The following SLC16A4 variants were observed in gnomAD, a reference collection of about 807,000 sequenced individuals.
The protein encoded by SLC16A4 is probable monocarboxylate transporter 5.
In SLC16A4, 39 loss-of-function variants were observed where a neutral mutation model predicts 47.9. That is an observed-to-expected ratio of 0.81 (90% CI 0.63 to 1.06). The LOEUF (loss-of-function observed/expected upper bound fraction) is 1.06, where lower values mean the gene tolerates loss of function less well. Among genes scored for constraint, SLC16A4 ranks in the 50% least tolerant of loss-of-function variants. SLC16A4 has a pLI of 0.00. For missense variants in SLC16A4, 524 were observed against 573.8 expected, an observed-to-expected ratio of 0.91 and a Z score of 0.89; for synonymous variants, 189 against 199.9, an observed-to-expected ratio of 0.95 and a Z score of 0.46.
At chr1:110,384,143 C>T (rs1448532249) in intron 2 of SLC16A4, among the ~76,000 whole-genome samples, 3 of 152,168 alleles carry the variant, frequency 2.0e-5, no homozygotes, top group South Asian at 2.1e-4. Context: ...TCAGTAGCAT[C>T]TGTTAAAGAC....
Position 110,381,079 on chromosome 1 carries a change from T to A in SLC16A4, c.429A>T (p.Arg143=), listed in dbSNP as rs1270705825. ...AVVTTKYFKK[R]LALSTAIARS... is the part of the protein sequence containing the mutation. ...GGGCAATAGCTGTAGAAAGAGCCAA[T>A]CGTTTTTTGAAGTATTTGGTAGTTA... The change falls in exon 5 of 9, where the codon CGA becomes CGT. Residue 143 remains arginine, a synonymous_variant. Transcript: ENST00000369779. The A allele has an allele frequency of 6.2e-7, 1 of 1,613,926 alleles. No homozygotes were observed. Among genetic ancestry groups the A allele is most frequent in the Non-Finnish European group, 8.5e-7 (1 of 1,179,968 alleles).
intron 8 of SLC16A4, among the ~76,000 whole-genome samples, chr1:110,374,773 A>G (rs1350890236): frequency 1.3e-5 from 2 of 152,220 alleles, no homozygotes; most frequent in Non-Finnish European, 1.5e-5. Context: ...TATCCTCTCC[A>G]TAGAGATGGG....
intron 8 of SLC16A4, chr1:110,370,139 G>T (rs569662457): frequency 1.9e-4 from 29 of 152,190 alleles, no homozygotes; most frequent in African/African-American, 6.7e-4. Context: ...TGCTTTGTAG[G>T]TATTCATCAA....
At chr1:110,380,024 TC>T (rs1226565885) in intron 5 of SLC16A4, 1 of 125,828 alleles carries the variant, frequency 7.9e-6, no homozygotes, top group African/African-American at 3.2e-5. Context: ...GCCACAGCAC[TC>T]CAGCCTGAAT....
chr1:110,378,706 C>T lies in SLC16A4; in HGVS notation c.1030+147G>A, dbSNP rs549457280. 384 of 847,068 alleles carry T rather than the reference C, an allele frequency of 4.5e-4. 6 individuals carry two copies. The South Asian group carries it at 6.8e-3, about 15-fold the overall frequency. 52.5% of individuals were successfully genotyped at this position (847,068 alleles called of 1,614,324 possible). On this transcript the variant is annotated intron_variant, in intron 6 of 8. Transcript: ENST00000369779. Reference sequence around the variant, plus strand: ...TCTCTTCCTGGGAAATGCCCAGGTGCTCCATCTAGCCTCAAAAATTTTACT... The same window carrying T: ...TCTCTTCCTGGGAAATGCCCAGGTGTTCCATCTAGCCTCAAAAATTTTACT...
chr1:110,369,557 C>T (rs1409701568), intron 8 of SLC16A4, among the ~76,000 whole-genome samples: 3 of 152,070 alleles, frequency 2.0e-5, no homozygotes, highest in African/African-American at 7.2e-5. Context: ...CCACTGCACT[C>T]CAGCCTGGGT....
chr1:110,379,300 A>AG lies in SLC16A4; in HGVS notation c.582dup (p.Arg196LysfsTer8). 1 of 1,612,958 alleles carries AG rather than the reference A, an allele frequency of 6.2e-7. No individual in the cohort carries two copies. The highest frequency in any genetic ancestry group is 8.5e-7 in the Non-Finnish European group (1 of 1,178,974). On this transcript the variant is annotated frameshift_variant, in exon 6 of 9. Coordinates refer to ENST00000369779, the MANE Select transcript of SLC16A4 (RefSeq NM_004696.3). LOFTEE classifies it high-confidence loss of function. ...TCACTTTTGATATGGATGGGTCTTA[A>AG]GAGCATACTAGAAGGCACCAAATTC...
chr1:110,383,057 T>C, intron 2 of SLC16A4, 91 bp from the exon 3 acceptor site: 1 of 1,167,872 alleles, frequency 8.6e-7, no homozygotes, highest in South Asian at 1.8e-5. Flanking sequence ...TTCCCTCAGC[T>C]TACTACTATT....
At chr1:110,363,944 A>G (rs371460961) in intron 8 of SLC16A4, 51 bp from the exon 9 acceptor site, 14 of 1,576,614 alleles carry the variant, frequency 8.9e-6, no homozygotes, top group Non-Finnish European at 1.2e-5. Flanking sequence ...GCCATTAGTA[A>G]CTCTCAGCCA....
At chr1:110,365,101 T>C (rs1661308507) in intron 8 of SLC16A4, among the ~76,000 whole-genome samples, 2 of 152,054 alleles carry the variant, frequency 1.3e-5, no homozygotes, top group Non-Finnish European at 2.9e-5. Flanking sequence ...TTCCAAAGTA[T>C]AGTATGTATA....
At chr1:110,373,088 C>T (rs1248414310) in intron 8 of SLC16A4, 2 of 151,984 alleles carry the variant, frequency 1.3e-5, no homozygotes, top group African/African-American at 4.8e-5. Context: ...CACATATATA[C>T]CTGTAGCTTT....
In SLC16A4 at chr1:110,381,671, C is replaced by T; in HGVS notation, c.345G>A (p.Val115=). The change falls in exon 4 of 9, where the codon GTG becomes GTA. Residue 115 remains valine (V), a synonymous_variant. Coordinates refer to ENST00000369779, the MANE Select transcript of SLC16A4 (RefSeq NM_004696.3). Reference sequence around the variant, plus strand: ...ACTCACCGGGTAGAAGTCCCATAGTCACACAAAGAAAAGGAATACTTGTGG... The same window carrying T: ...ACTCACCGGGTAGAAGTCCCATAGTTACACAAAGAAAAGGAATACTTGTGG... ...SWATSIPFLC[V]TMGLLPGLGS... 6.2e-7 allele frequency: 1 copy of T among 1,612,588 alleles called. No individual in the cohort carries two copies. The highest frequency in any genetic ancestry group is 8.5e-7 in the Non-Finnish European group (1 of 1,179,700).
At chr1:110,368,004 AT>A (rs1364965561) in intron 8 of SLC16A4, among the ~76,000 whole-genome samples, 1 of 151,950 alleles carries the variant, frequency 6.6e-6, no homozygotes, top group Non-Finnish European at 1.5e-5. Context: ...AATTTTTTGT[AT>A]TTTTAGTAGA....
At chr1:110,366,132 A>ACT (rs1406537094) in intron 8 of SLC16A4, among the ~76,000 whole-genome samples, 1 of 128,266 alleles carries the variant, frequency 7.8e-6, no homozygotes, top group Admixed American at 7.8e-5. Context: ...ACACACACAC[A>ACT]CTCTTTCTCT....
chr1:110,373,359 G>A (rs1200450975), intron 8 of SLC16A4, among the ~76,000 whole-genome samples: 1 of 152,102 alleles, frequency 6.6e-6, no homozygotes, highest in Non-Finnish European at 1.5e-5. Flanking sequence ...TGAAAAAAAT[G>A]CATCAGCAAA....
In SLC16A4 at chr1:110,381,103, T is replaced by TA. The variant is rs1421112902; in HGVS notation, c.404dup (p.Thr136AsnfsTer38). 3.1e-6 allele frequency: 5 copies of TA among 1,614,150 alleles called. No individual in the cohort carries two copies. In the Admixed American group the frequency reaches 6.7e-5, roughly 22 times the overall value. ...ATCGTTTTTTGAAGTATTTGGTAGT[T>TA]ACCACAGCAGCCACTTGGTATAAGA... On this transcript the variant is annotated frameshift_variant, in exon 5 of 9. Coordinates refer to ENST00000369779, the MANE Select transcript of SLC16A4 (RefSeq NM_004696.3). LOFTEE classifies it high-confidence loss of function.
At chr1:110,369,498 G>A (rs1013469530) in intron 8 of SLC16A4, among the ~76,000 whole-genome samples, 1 of 152,110 alleles carries the variant, frequency 6.6e-6, no homozygotes, top group Non-Finnish European at 1.5e-5. Flanking sequence ...TACTCAGGAG[G>A]CTGAGGTGGG....
chr1:110,385,707 G>A (rs553696606), intron 2 of SLC16A4, among the ~76,000 whole-genome samples: 2 of 152,200 alleles, frequency 1.3e-5, no homozygotes, highest in Non-Finnish European at 2.9e-5. Flanking sequence ...TGGTAGTGGT[G>A]AGGAAGAAGT....
At chr1:110,377,990 T>C (rs1208404503) in intron 6 of SLC16A4, among the ~76,000 whole-genome samples, 1 of 151,944 alleles carries the variant, frequency 6.6e-6, no homozygotes, top group African/African-American at 2.4e-5. Flanking sequence ...CAACCACGCC[T>C]GGCTAATTTT....
Sources: gnomAD v4.1 joint callset for allele counts (sites outside exome capture counted in the v4.1 genomes callset) on GRCh38, gnomAD v4.1.1 for gene constraint, MANE v1.5 for transcripts, NCBI Gene and HGNC (gene_info 2026-07-23, HGNC 2026-07-21) for gene names.